The following PRAMEF20 variants were observed in gnomAD, a reference collection of about 807,000 sequenced individuals.
The protein encoded by PRAMEF20 is PRAME family member 20.
In PRAMEF20, 27 loss-of-function variants were observed where a neutral mutation model predicts 32.4. The observed-to-expected ratio is 0.83, with a 90% CI of 0.61 to 1.15. PRAMEF20 has a LOEUF of 1.15. Among genes scored for constraint, PRAMEF20 ranks in the 50% most tolerant of loss-of-function variants. The pLI, the probability that PRAMEF20 is intolerant of heterozygous loss-of-function variation, is 0.00. For synonymous variants in PRAMEF20, 256 were observed against 235.4 expected (o/e 1.09, Z -0.80); for missense variants, 604 against 584.5 (o/e 1.03, Z -0.34).
rs1005051323 is a variant in PRAMEF20 at position 13,417,307 on chromosome 1, T to G, written c.287+666T>G. On this transcript the variant is annotated intron_variant, in intron 1 of 2. Transcript: ENST00000602960. ...TGGCTACTTTTAGAATCCTGCTGAT[T>G]GGTGCATTTTATAGAGCGTTGATTG... Among the ~76,000 whole-genome samples the G allele has an allele frequency of 4.6e-5, 7 of 152,040 alleles. 1 individual carries two copies. Among genetic ancestry groups the G allele is most frequent in the Admixed American group, 2.6e-4 (4 of 15,256 alleles).
At chr1:13,420,706 G>C (rs1477396552) in exon 3 of PRAMEF20, 2 of 1,613,724 alleles carry the variant, frequency 1.2e-6, no homozygotes, top group African/African-American at 1.3e-5. Context: ...GCTGTCTAAA[G>C]ACCTCGTTAA....
At chr1:13,421,074 C>G in exon 3 of PRAMEF20, 12 of 1,613,894 alleles carry the variant, frequency 7.4e-6, no homozygotes, top group African/African-American at 1.3e-5. Flanking sequence ...TATCCTGCCC[C>G]GCGGGAGAGT....
chr1:13,420,907 T>C, exon 3 of PRAMEF20: 5 of 1,613,848 alleles, frequency 3.1e-6, no homozygotes, highest in Non-Finnish European at 4.2e-6. Flanking sequence ...TAGATGACTG[T>C]GGCATCGTAG....
At chr1:13,412,881 G>A (rs937198595), upstream of PRAMEF20, among the ~76,000 whole-genome samples, 3,093 of 151,564 alleles carry the variant, frequency 0.02, 103 homozygotes, top group African/African-American at 0.069. Context: ...CCAAAATGAC[G>A]CCACTGCACT....
chr1:13,411,695 C>T (rs1413288945), upstream of PRAMEF20, among the ~76,000 whole-genome samples: 1 of 152,140 alleles, frequency 6.6e-6, no homozygotes, highest in Non-Finnish European at 1.5e-5. Context: ...CATTCCATTT[C>T]TTAATAATAT....
intron 1 of PRAMEF20, 144 bp downstream of exon 2, chr1:13,416,785 T>C (rs909469971): frequency 1.2e-4 from 186 of 1,541,674 alleles, no homozygotes; most frequent in Non-Finnish European, 1.5e-4. Flanking sequence ...CCTTGGCCAT[T>C]GCCCAGCTCC....
chr1:13,414,832 C>T (rs1641149527), upstream of PRAMEF20, among the ~76,000 whole-genome samples: 1 of 152,006 alleles, frequency 6.6e-6, no homozygotes, highest in Non-Finnish European at 1.5e-5. Flanking sequence ...CATAGTCTCA[C>T]TCTGTCGCCC....
chr1:13,410,851 T>C, the PRAMEF20 span, among the ~76,000 whole-genome samples: 1 of 151,988 alleles, frequency 6.6e-6, no homozygotes, highest in African/African-American at 2.4e-5. Context: ...AAACTCCATC[T>C]CTACAAAATA....
upstream of PRAMEF20, among the ~76,000 whole-genome samples, chr1:13,412,061 AATTT>A (rs1407406797): frequency 1.3e-5 from 2 of 149,930 alleles, no homozygotes; most frequent in African/African-American, 4.9e-5. Flanking sequence ...TAATTTAATT[AATTT>A]ATTTATTTAT....
intron 2 of PRAMEF20, among the ~76,000 whole-genome samples, chr1:13,420,077 C>T (rs1641226631): frequency 6.6e-6 from 1 of 152,196 alleles, no homozygotes; most frequent in Admixed American, 6.5e-5. Flanking sequence ...TTTATGCCTG[C>T]ATCCCCAATG....
At chr1:13,414,622 C>T (rs878972972), upstream of PRAMEF20, among the ~76,000 whole-genome samples, 124 of 151,990 alleles carry the variant, frequency 8.2e-4, no homozygotes, top group Non-Finnish European at 1.6e-3. Context: ...CCACGCCCAG[C>T]TAATTTTTGT....
chr1:13,417,815 C>CACT (rs1285969433), intron 1 of PRAMEF20, among the ~76,000 whole-genome samples: 1 of 146,440 alleles, frequency 6.8e-6, no homozygotes, highest in Non-Finnish European at 1.5e-5. Context: ...GATCTCAGCT[C>CACT]ACTGCAAGCT....
chr1:13,419,531 C>T (rs1262821482), intron 2 of PRAMEF20, among the ~76,000 whole-genome samples: 2 of 152,142 alleles, frequency 1.3e-5, no homozygotes, highest in East Asian at 1.9e-4. Context: ...ACGCCATTCT[C>T]CTGCTTCAGC....
chr1:13,418,658 A>G, exon 2 of PRAMEF20: 1 of 1,613,642 alleles, frequency 6.2e-7, no homozygotes, highest in Non-Finnish European at 8.5e-7. Context: ...CTTTATATGA[A>G]CTCTGTTTCT....
At chr1:13,413,164 A>G (rs1386576150), upstream of PRAMEF20, among the ~76,000 whole-genome samples, 4 of 152,146 alleles carry the variant, frequency 2.6e-5, no homozygotes, top group Non-Finnish European at 4.4e-5. Context: ...CAGGACTAGG[A>G]AGGACATATA....
chr1:13,413,231 C>A (rs1425752881), upstream of PRAMEF20, among the ~76,000 whole-genome samples: 5 of 152,304 alleles, frequency 3.3e-5, no homozygotes, highest in East Asian at 9.6e-4. Context: ...GACTTTCACC[C>A]TATACCTAAA....
exon 3 of PRAMEF20, chr1:13,421,267 C>G: frequency 6.2e-7 from 1 of 1,613,766 alleles, no homozygotes; most frequent in Non-Finnish European, 8.5e-7. Context: ...GAATGCCTGC[C>G]TATTTGGGTG....
upstream of PRAMEF20, among the ~76,000 whole-genome samples, chr1:13,413,629 T>C (rs1641134556): frequency 1.3e-5 from 2 of 152,128 alleles, no homozygotes; most frequent in South Asian, 4.1e-4. Flanking sequence ...CCCCCCAAAG[T>C]GCTGAGATTA....
At chr1:13,418,549 C>G in exon 2 of PRAMEF20, 1 of 1,613,978 alleles carries the variant, frequency 6.2e-7, no homozygotes, top group Non-Finnish European at 8.5e-7. Context: ...GAAGCTCGTT[C>G]TCTCTGACAT....
Sources: allele counts gnomAD v4.1 joint callset (sites outside exome capture counted in the v4.1 genomes callset), GRCh38; gene constraint gnomAD v4.1.1; transcripts MANE v1.5; gene names NCBI Gene and HGNC (gene_info 2026-07-23, HGNC 2026-07-21).